NPIPA5: variants seen among roughly 807,000 people sequenced by gnomAD.
The protein encoded by NPIPA5 is nuclear pore complex interacting protein family member A5.
NPIPA5 carries 6 observed loss-of-function variants against 21.4 expected under a neutral mutation model. The observed-to-expected ratio is 0.28, with a 90% CI of 0.15 to 0.55. The LOEUF is 0.55. Ranked by LOEUF, NPIPA5 falls within the 20% of genes least tolerant of loss-of-function variation. NPIPA5 has a pLI of 0.93. For missense variants in NPIPA5, 99 were observed against 318.2 expected, an observed-to-expected ratio of 0.31 and a Z score of 5.24; for synonymous variants, 33 against 115.3, an observed-to-expected ratio of 0.29 and a Z score of 4.57.
chr16:15,370,988 A>G (rs1209367079), intron 2 of NPIPA5, among the ~76,000 whole-genome samples: 1 of 118,528 alleles, frequency 8.4e-6, no homozygotes, highest in Non-Finnish European at 1.8e-5. Context: ...CAGAGGTTGC[A>G]GTGAGCCAAG....
intron 2 of NPIPA5, among the ~76,000 whole-genome samples, chr16:15,371,302 C>T (rs915907745): frequency 2.1e-5 from 3 of 143,110 alleles, no homozygotes; most frequent in African/African-American, 7.5e-5. Flanking sequence ...TTTCCCTTCC[C>T]TCACATCAGC....
chr16:15,377,650 G>A (rs1367080092), intron 1 of NPIPA5, among the ~76,000 whole-genome samples: 1 of 98,810 alleles, frequency 1.0e-5, no homozygotes, highest in African/African-American at 3.9e-5. Context: ...AGGGGGAGGG[G>A]AAGGGGAAGG....
chr16:15,376,020 C>T (rs2050282218), intron 1 of NPIPA5, among the ~76,000 whole-genome samples: 1 of 151,546 alleles, frequency 6.6e-6, no homozygotes, highest in South Asian at 2.1e-4. Context: ...TCAGCATATG[C>T]TGAGTCTGAA....
chr16:15,376,072 G>T (rs62037839), intron 1 of NPIPA5, among the ~76,000 whole-genome samples: 16,934 of 151,908 alleles, frequency 0.11, 1,344 homozygotes, highest in East Asian at 0.41. Flanking sequence ...CAATGGTAAT[G>T]ATTTCAGAAA....
chr16:15,380,391 C>T (rs1448014674), upstream of NPIPA5, among the ~76,000 whole-genome samples: 4 of 151,390 alleles, frequency 2.6e-5, no homozygotes, highest in South Asian at 2.1e-4. Flanking sequence ...GGCGTGATCT[C>T]GGCCCACTAA....
chr16:15,369,250 G>A (rs1427270007), intron 4 of NPIPA5, among the ~76,000 whole-genome samples: 1 of 148,718 alleles, frequency 6.7e-6, no homozygotes, highest in Non-Finnish European at 1.5e-5. Flanking sequence ...GAGGTCAGAA[G>A]TTCGAGACCA....
Position 15,371,548 on chromosome 16 carries a change from G to C in NPIPA5, c.193-1429C>G, listed in dbSNP as rs2050155398. Among the ~76,000 whole-genome samples, 2 of 145,952 alleles carry C rather than the reference G, an allele frequency of 1.4e-5. 1 individual carries two copies. On this transcript the variant is annotated intron_variant, in intron 2 of 7. Transcript: ENST00000360151. ...TTGAGACGGAGTGTCAGTCAACCAT[G>C]CTGAAGTGCAGTGGCGCTACCTTGG... is the stretch of plus-strand genomic sequence containing the variant.
chr16:15,372,737 T>G (rs2050189707), intron 2 of NPIPA5, among the ~76,000 whole-genome samples: 1 of 145,660 alleles, frequency 6.9e-6, no homozygotes, highest in African/African-American at 2.5e-5. Context: ...CTTGGATCAT[T>G]GTTCAGAAGG....
chr16:15,368,483 T>C (rs1294188941), intron 4 of NPIPA5, among the ~76,000 whole-genome samples: 1 of 151,920 alleles, frequency 6.6e-6, no homozygotes, highest in Admixed American at 6.6e-5. Context: ...CAAAAAAAGA[T>C]CAGTCATATG....
intron 1 of NPIPA5, among the ~76,000 whole-genome samples, chr16:15,377,872 A>T (rs2050350910): frequency 6.7e-6 from 1 of 150,328 alleles, no homozygotes; most frequent in Non-Finnish European, 1.5e-5. Flanking sequence ...CAATTAGGAG[A>T]CAAAGGTTCT....
chr16:15,366,853 C>A, intron 4 of NPIPA5, 93 bp from the exon 5 acceptor site: 2 of 1,520,310 alleles, frequency 1.3e-6, no homozygotes, highest in Non-Finnish European at 1.8e-6. Flanking sequence ...TTCAAAGATC[C>A]CCCCTGCAAC....
At chr16:15,374,129 CA>C (rs2050225838) in intron 1 of NPIPA5, among the ~76,000 whole-genome samples, 2 of 146,916 alleles carry the variant, frequency 1.4e-5, no homozygotes, top group Non-Finnish European at 3.0e-5. Context: ...TTAAAAGAAG[CA>C]AAGTTGTCTT....
In NPIPA5 at chr16:15,370,422, T is replaced by A. The variant is rs1303122825; in HGVS notation, c.193-303A>T. 6.8e-5 allele frequency among the ~76,000 whole-genome samples: 8 copies of A among 118,454 alleles called. No individual in the cohort carries two copies. In the South Asian group the frequency reaches 2.5e-3, roughly 37 times the overall value. The allele number at this position is 118,454 out of a possible 152,430, so 77.7% of individuals were successfully genotyped here. A position where few individuals can be genotyped will look rare whatever the true frequency, so the allele number is the denominator to read the frequency against. On this transcript the variant is annotated intron_variant, in intron 2 of 7. Coordinates refer to ENST00000360151, the MANE Select transcript of NPIPA5 (RefSeq NM_001277325.2). ...GCCTGAGTGACAGAATGAGACTCTG[T>A]CACACACACACACACACACACACAC...
intron 1 of NPIPA5, among the ~76,000 whole-genome samples, chr16:15,376,929 T>C (rs1239486965): frequency 6.6e-6 from 1 of 151,976 alleles, no homozygotes; most frequent in Non-Finnish European, 1.5e-5. Flanking sequence ...AGCCGAGATC[T>C]TGCCACTGCA....
At position 15,363,810 on chromosome 16, in the gene NPIPA5, G is replaced by C. The variant is rs748328254; in HGVS notation, c.902C>G (p.Ala301Gly). The C allele has an allele frequency of 2.2e-6, 3 of 1,349,686 alleles. No individual in the cohort carries two copies. Among genetic ancestry groups the C allele is most frequent in the Non-Finnish European group, 2.9e-6 (3 of 1,020,598 alleles). 83.6% of individuals were successfully genotyped at this position (1,349,686 alleles called of 1,614,324 possible). A position where few individuals can be genotyped will look rare whatever the true frequency, so the allele number is the denominator to read the frequency against. The stretch of plus-strand genomic sequence containing the variant: ...GGCAGGTGTCTTGAGATTATCATCC[G>C]CTGAGGGTAGAGCTGAGGGTGGAAG... Reference protein sequence around the residue: ...TPLPPSALPSADDNLKTPAEC... With the variant: ...TPLPPSALPSGDDNLKTPAEC... Residue 301 changes from alanine to glycine, a missense_variant, in exon 8 of 8, where the codon GCG becomes GGG. Coordinates refer to ENST00000360151, the MANE Select transcript of NPIPA5 (RefSeq NM_001277325.2).
intron 1 of NPIPA5, among the ~76,000 whole-genome samples, chr16:15,376,491 G>A (rs2150881392): frequency 6.7e-6 from 1 of 149,446 alleles, no homozygotes; most frequent in Non-Finnish European, 1.5e-5. Flanking sequence ...TTGGCCCATT[G>A]CACTCCAGCC....
chr16:15,377,094 G>T (rs967119798), intron 1 of NPIPA5, among the ~76,000 whole-genome samples: 55 of 150,934 alleles, frequency 3.6e-4, no homozygotes, highest in Non-Finnish European at 4.9e-4. Context: ...TCGGCTCACT[G>T]CAACGTCCAG....
chr16:15,372,556 G>T (rs550795475), intron 2 of NPIPA5, among the ~76,000 whole-genome samples: 1 of 145,734 alleles, frequency 6.9e-6, no homozygotes, highest in Non-Finnish European at 1.5e-5. Context: ...GGACTAAGTG[G>T]CATAGAGAAT....
intron 1 of NPIPA5, among the ~76,000 whole-genome samples, chr16:15,376,807 C>G (rs1334594911): frequency 6.6e-6 from 1 of 151,958 alleles, no homozygotes. Flanking sequence ...AAAAATTAGC[C>G]AGGCGTGGTG....
Sources: gnomAD v4.1 joint callset for allele counts (sites outside exome capture counted in the v4.1 genomes callset) on GRCh38, gnomAD v4.1.1 for gene constraint, MANE v1.5 for transcripts, NCBI Gene and HGNC (gene_info 2026-07-23, HGNC 2026-07-21) for gene names.